The following GRIN1 variants were observed in gnomAD, a reference collection of about 807,000 sequenced individuals.
The protein encoded by GRIN1 is glutamate ionotropic receptor NMDA type subunit 1.
In GRIN1, 38 loss-of-function variants were observed where a neutral mutation model predicts 103.0. The observed-to-expected ratio is 0.37, with a 90% CI of 0.28 to 0.48. GRIN1 has a LOEUF of 0.48. Among genes scored for constraint, GRIN1 ranks in the 20% least tolerant of loss-of-function variants. GRIN1 has a pLI of 0.98. For synonymous variants in GRIN1, 544 were observed against 532.7 expected, an observed-to-expected ratio of 1.02 and a Z score of -0.29; for missense variants, 577 against 1,288.9, an observed-to-expected ratio of 0.45 and a Z score of 8.46.
In GRIN1 at chr9:137,161,348, G is replaced by A; in HGVS notation, c.1399G>A (p.Ala467Thr). Residue 467 changes from alanine (A) to threonine (T), a missense_variant, in exon 10 of 20, where the codon GCA becomes ACA. Ala to Thr is a moderately conservative substitution (Grantham distance 58). Transcript: ENST00000371561. ...GFCIDLLIKL[A>T]RTMNFTYEVH... ...TTGCATCGACCTGCTCATCAAGCTGGCACGGACCATGAACTTCACCTACGA... is the reference window on the plus strand; with the variant it reads ...TTGCATCGACCTGCTCATCAAGCTGACACGGACCATGAACTTCACCTACGA... 6.2e-7 allele frequency: 1 copy of A among 1,612,744 alleles called. No homozygotes were observed. Among genetic ancestry groups the A allele is most frequent in the Non-Finnish European group, 8.5e-7 (1 of 1,179,830 alleles).
chr9:137,147,178 C>A (rs1045347959), intron 3 of GRIN1, among the ~76,000 whole-genome samples: 3 of 152,068 alleles, frequency 2.0e-5, no homozygotes, highest in Non-Finnish European at 2.9e-5. Context: ...CTCACAGGTG[C>A]ATGCACACAT....
Position 137,167,602 on chromosome 9 carries a change from A to T in GRIN1, c.*75A>T. 4 of 1,390,374 alleles carry T rather than the reference A, an allele frequency of 2.9e-6. No homozygotes were observed. Among genetic ancestry groups the T allele is most frequent in the Non-Finnish European group, 3.8e-6 (4 of 1,053,072 alleles). The allele number at this position is 1,390,374 out of a possible 1,614,324, so 86.1% of individuals were successfully genotyped here. A position where few individuals can be genotyped will look rare whatever the true frequency, so the allele number is the denominator to read the frequency against. ...GACGGACGGGACAGCGGCCCGGCCC[A>T]CGCAGAGCCCCGGAGCACCACGGGG... On this transcript the variant is annotated 3_prime_UTR_variant, in exon 20 of 20. Coordinates refer to ENST00000371561, the MANE Select transcript of GRIN1 (RefSeq NM_007327.4).
At chr9:137,164,740 T>C in intron 18 of GRIN1, 1 of 239,478 alleles carries the variant, frequency 4.2e-6, no homozygotes, top group South Asian at 5.3e-5. Flanking sequence ...CCTCTGTCAC[T>C]CCAATTCCAC....
Position 137,144,515 on chromosome 9 carries a change from C to T in GRIN1, c.394-1211C>T, listed in dbSNP as rs368744073. Among the ~76,000 whole-genome samples the T allele has an allele frequency of 5.6e-4, 85 of 152,048 alleles. No homozygotes were observed. The East Asian group carries it at 6.0e-3, about 11-fold the overall frequency. On this transcript the variant is annotated intron_variant, in intron 2 of 19. Transcript: ENST00000371561. ...TAAAAATACAAAAAAATTAGCCGGG[C>T]GTGGTGGCGGGCGCCTGTAGTCTCA...
rs775228605 is a variant in GRIN1 at position 137,145,779 on chromosome 9, C to T, written c.447C>T (p.Ser149=). 3.7e-6 allele frequency: 6 copies of T among 1,613,384 alleles called. No homozygotes were observed. Among genetic ancestry groups the T allele is most frequent in the South Asian group, 3.3e-5 (3 of 91,078 alleles). ...RTVPPYSHQS[S]VWFEMMRVYS... is the part of the protein sequence containing the mutation. ...TGCCGCCCTACTCCCACCAGTCCAG[C>T]GTGTGGTTTGAGATGATGCGTGTCT... Residue 149 remains serine (S), a synonymous_variant, in exon 3 of 20, where the codon AGC becomes AGT. Coordinates refer to ENST00000371561, the MANE Select transcript of GRIN1 (RefSeq NM_007327.4).
chr9:137,155,412 C>T (rs570134924), intron 4 of GRIN1, among the ~76,000 whole-genome samples: 193 of 152,334 alleles, frequency 1.3e-3, no homozygotes, highest in African/African-American at 4.0e-3. Context: ...TCACTGACAT[C>T]CAATAGCATC....
chr9:137,162,137 G>A (rs1181959700), intron 11 of GRIN1, 35 bp from the exon 12 acceptor site: 2 of 1,540,448 alleles, frequency 1.3e-6, no homozygotes, highest in Non-Finnish European at 1.8e-6. Flanking sequence ...GTCCCTGGAG[G>A]GCCCGGGCCG....
rs576717247 is a variant in GRIN1, at chr9:137,154,842, T to A, written c.672-1827T>A. On this transcript the variant is annotated intron_variant, in intron 4 of 19. Transcript: ENST00000371561. ...GAGCTCCTTGGAGTGGAGGCCAAAG[T>A]CCCACAGCAGAGGCCGACTGGCCCA... 1.5e-3 allele frequency among the ~76,000 whole-genome samples: 235 copies of A among 152,170 alleles called. 1 individual carries two copies. Among genetic ancestry groups the A allele is most frequent in the African/African-American group, 5.4e-3 (223 of 41,506 alleles).
At chr9:137,157,417 C>T (rs1473071621) in intron 6 of GRIN1, among the ~76,000 whole-genome samples, 2 of 152,198 alleles carry the variant, frequency 1.3e-5, no homozygotes, top group Non-Finnish European at 2.9e-5. Flanking sequence ...ACACCAGTAC[C>T]TGGGCCGTCA....
At chr9:137,147,352 C>T (rs939609846) in intron 3 of GRIN1, among the ~76,000 whole-genome samples, 1 of 152,138 alleles carries the variant, frequency 6.6e-6, no homozygotes, top group African/African-American at 2.4e-5. Context: ...CGCTCAGGTG[C>T]GCTCCTCATG....
intron 2 of GRIN1, among the ~76,000 whole-genome samples, chr9:137,144,706 AG>A (rs1832398729): frequency 7.0e-6 from 1 of 142,192 alleles, no homozygotes; most frequent in African/African-American, 2.7e-5. Context: ...AGGGGGTCCC[AG>A]GGTCTAGAAA....
rs1833262096 is a variant in GRIN1 at position 137,156,953 on chromosome 9, T to G, written c.884T>G (p.Leu295Arg). The G allele has an allele frequency of 2.5e-6, 4 of 1,612,074 alleles. No homozygotes were observed. The highest frequency in any genetic ancestry group is 2.5e-6 in the Non-Finnish European group (3 of 1,179,810). Residue 295 changes from leucine (L) to arginine (R), a missense_variant, in exon 6 of 20, where the codon CTC becomes CGC. By Grantham distance (102) the Leu-to-Arg change is moderately radical. Around this residue, in one of 9 missense-constraint regions of GRIN1, gnomAD observed 308 missense variants for 553.6 expected, o/e 0.56. Coordinates refer to ENST00000371561, the MANE Select transcript of GRIN1 (RefSeq NM_007327.4). ...VGVVAQAVHE[L>R]LEKENITDPP... ...GTGGTGGCCCAGGCCGTGCACGAGC[T>G]CCTCGAGAAGGAGAACATCACCGAC...
intron 18 of GRIN1, chr9:137,164,927 A>T (rs1833784473): frequency 2.0e-6 from 1 of 489,542 alleles, no homozygotes; most frequent in South Asian, 2.0e-5. Flanking sequence ...CCAGGGAGCC[A>T]GGCGGACCTC....
At chr9:137,158,555 G>A (rs769673012) in intron 7 of GRIN1, 32 bp downstream of exon 7, 2 of 1,609,202 alleles carry the variant, frequency 1.2e-6, no homozygotes, top group Admixed American at 1.7e-5. Context: ...GTGGGGGCTG[G>A]GGCCTTAGGG....
intron 8 of GRIN1, among the ~76,000 whole-genome samples, chr9:137,160,364 C>T (rs1383831530): frequency 6.6e-6 from 1 of 152,042 alleles, no homozygotes; most frequent in Non-Finnish European, 1.5e-5. Flanking sequence ...GCAGGCTGGG[C>T]TGTTTCTCAC....
chr9:137,146,458 C>A lies in GRIN1; in HGVS notation c.570+556C>A, dbSNP rs1050553445. On this transcript the variant is annotated intron_variant, in intron 3 of 19. Transcript: ENST00000371561. This position sits in a 1 kb window ranked among gnomAD's most constrained non-coding sequence, Gnocchi z 6.7. ...CCCCAGCCTGGACCGCCCCTGTGGG[C>A]TCCACTCCCCTCCTTGCCCCCACCA... is the stretch of plus-strand genomic sequence containing the variant. Among the ~76,000 whole-genome samples, 2 of 152,140 alleles carry A rather than the reference C, an allele frequency of 1.3e-5. No homozygotes were observed. The highest frequency in any genetic ancestry group is 4.8e-5 in the African/African-American group (2 of 41,416).
rs574502897 is a variant in GRIN1, at chr9:137,146,265, C to A, written c.570+363C>A. ...CTTCCCGCCCACCCTGTCCTGAGTC[C>A]CCAGCAGCCTCCCTCTGGGCAAGGT... On this transcript the variant is annotated intron_variant, in intron 3 of 19. Transcript: ENST00000371561. The surrounding 1 kb of genome is among the most constrained non-coding windows in gnomAD (Gnocchi z 6.7). Among the ~76,000 whole-genome samples, 258 of 152,052 alleles carry A rather than the reference C, an allele frequency of 1.7e-3. No individual in the cohort carries two copies. The highest frequency in any genetic ancestry group is 3.4e-3 in the Admixed American group (52 of 15,302).
At chr9:137,144,603 C>T (rs558710661) in intron 2 of GRIN1, among the ~76,000 whole-genome samples, 299 of 148,616 alleles carry the variant, frequency 2.0e-3, no homozygotes, top group African/African-American at 4.6e-3. Context: ...TGCAGTGAGC[C>T]GAGATTGCAC....
chr9:137,167,285 G>A (rs921994377), intron 19 of GRIN1, 126 bp from the exon 20 acceptor site: 4 of 752,090 alleles, frequency 5.3e-6, no homozygotes, highest in Admixed American at 4.2e-5. Context: ...GGGTCAGTCC[G>A]GCTGCGGAGA....
Sources: allele counts gnomAD v4.1 joint callset (sites outside exome capture counted in the v4.1 genomes callset), GRCh38; gene constraint gnomAD v4.1.1; regional missense constraint gnomAD v4.1.1; non-coding constraint Gnocchi (gnomAD v3.1); transcripts MANE v1.5; gene names NCBI Gene and HGNC (gene_info 2026-07-23, HGNC 2026-07-21).